The following SMG7 variants were observed in gnomAD, a reference collection of about 807,000 sequenced individuals.
SMG7 encodes the protein SMG7 nonsense mediated mRNA decay factor.
A neutral mutation model predicts 148.2 loss-of-function variants in SMG7; 34 were observed. That is an observed-to-expected ratio of 0.23 (90% CI 0.17 to 0.31). SMG7 has a LOEUF of 0.31. Ranked by LOEUF, SMG7 falls within the 10% of genes least tolerant of loss-of-function variation. SMG7 has a pLI of 1.00. For synonymous variants in SMG7, 492 were observed against 515.1 expected (o/e 0.96, Z 0.61); for missense variants, 1,114 against 1,408.4 (o/e 0.79, Z 3.35).
chr1:183,501,463 G>A (rs1291684653), intron 1 of SMG7, among the ~76,000 whole-genome samples: 1 of 152,108 alleles, frequency 6.6e-6, no homozygotes, highest in Non-Finnish European at 1.5e-5. Flanking sequence ...TATCTGGCAC[G>A]TACTAATTAT....
In SMG7 at chr1:183,506,591, T is replaced by C. The variant is rs1296261618; in HGVS notation, c.30-6246T>C. ...TGAGAAATGCTGTTATTATCCCAAGTATTCCTTAGAACTCTATGAAACAAG... is the reference window on the plus strand; with the variant it reads ...TGAGAAATGCTGTTATTATCCCAAGCATTCCTTAGAACTCTATGAAACAAG... On this transcript the variant is annotated intron_variant, in intron 1 of 22. Transcript: ENST00000688051. Among the ~76,000 whole-genome samples the C allele has an allele frequency of 2.0e-5, 3 of 151,800 alleles. No homozygotes were observed. The East Asian group carries it at 5.8e-4, about 29-fold the overall frequency.
chr1:183,519,549 T>C (rs1664293840), intron 4 of SMG7, among the ~76,000 whole-genome samples: 1 of 151,924 alleles, frequency 6.6e-6, no homozygotes, highest in African/African-American at 2.4e-5. Flanking sequence ...CTAGACTAAA[T>C]GAAAAGATGG....
chr1:183,485,428 G>A (rs1376160071), intron 1 of SMG7, among the ~76,000 whole-genome samples: 1 of 152,128 alleles, frequency 6.6e-6, no homozygotes, highest in Non-Finnish European at 1.5e-5. Context: ...ACTTAGGGGA[G>A]ATAAGTTTTT....
At chr1:183,520,368 CTT>C (rs1004051944) in intron 4 of SMG7, among the ~76,000 whole-genome samples, 1 of 152,110 alleles carries the variant, frequency 6.6e-6, no homozygotes, top group African/African-American at 2.4e-5. Context: ...AAAATGGTAA[CTT>C]TTTTTTCAAT....
intron 1 of SMG7, among the ~76,000 whole-genome samples, chr1:183,511,986 A>C (rs1296339969): frequency 1.3e-5 from 2 of 152,158 alleles, no homozygotes; most frequent in Admixed American, 6.5e-5. Flanking sequence ...AGAACTAGAG[A>C]TAGGGGATGG....
chr1:183,511,304 T>C (rs77096150), intron 1 of SMG7, among the ~76,000 whole-genome samples: 1,551 of 152,274 alleles, frequency 0.01, 10 homozygotes, highest in Admixed American at 0.017. Context: ...ATCTGTAATA[T>C]GTAATATGAA....
At chr1:183,477,439 T>C (rs1282494539) in intron 1 of SMG7, among the ~76,000 whole-genome samples, 1 of 152,002 alleles carries the variant, frequency 6.6e-6, no homozygotes, top group Non-Finnish European at 1.5e-5. Context: ...TATGTGTATA[T>C]ATACATATAT....
At chr1:183,533,077 T>C in intron 8 of SMG7, 87 bp from the exon 9 acceptor site, 5 of 1,131,992 alleles carry the variant, frequency 4.4e-6, no homozygotes, top group Non-Finnish European at 5.2e-6. Context: ...ATGGTGGTTC[T>C]AAATGCAGAC....
intron 1 of SMG7, among the ~76,000 whole-genome samples, chr1:183,473,225 G>A (rs949728232): frequency 6.6e-6 from 1 of 152,112 alleles, no homozygotes; most frequent in Admixed American, 6.5e-5. Flanking sequence ...AGTTGGCGGT[G>A]TGGGGAGGCG....
At chr1:183,478,347 G>A (rs1263526116) in intron 1 of SMG7, among the ~76,000 whole-genome samples, 1 of 152,154 alleles carries the variant, frequency 6.6e-6, no homozygotes, top group Non-Finnish European at 1.5e-5. Context: ...CAAAGGTGGT[G>A]ACATTTTTTG....
At chr1:183,521,858 CAAAA>C (rs35144368) in intron 4 of SMG7, among the ~76,000 whole-genome samples, 2 of 129,204 alleles carry the variant, frequency 1.5e-5, no homozygotes, top group Non-Finnish European at 3.4e-5. Context: ...GACCTTGTCT[CAAAA>C]AAAAAAAAAA....
chr1:183,540,643 G>T (rs986283089), intron 12 of SMG7, among the ~76,000 whole-genome samples: 25 of 151,986 alleles, frequency 1.6e-4, no homozygotes, highest in African/African-American at 5.6e-4. Context: ...AAATTACTTG[G>T]CATGCAAGAT....
intron 17 of SMG7, 130 bp from the exon 18 acceptor site, chr1:183,546,973 T>C (rs1406775390): frequency 2.3e-6 from 2 of 883,466 alleles, no homozygotes; most frequent in Non-Finnish European, 3.3e-6. Flanking sequence ...GCGTTTTTTC[T>C]CTTTGCCTAA....
chr1:183,502,408 A>G (rs1659937534), intron 1 of SMG7: 3 of 1,524,252 alleles, frequency 2.0e-6, no homozygotes, highest in South Asian at 1.2e-5. Flanking sequence ...TGAAAATTAC[A>G]AGGGATTTCT....
chr1:183,538,458 T>C lies in SMG7; in HGVS notation c.1295+18T>C, dbSNP rs1004958644. On this transcript the variant is annotated intron_variant, in intron 12 of 22. Transcript: ENST00000688051. ...TCTTTCAGGTAGGTGATAGCTGAAG[T>C]ACCTTTATCATTGCCAGTGATTGCA... is the stretch of plus-strand genomic sequence containing the variant. The C allele has an allele frequency of 6.5e-7, 1 of 1,543,656 alleles. No individual in the cohort carries two copies. The highest frequency in any genetic ancestry group is 1.7e-5 in the Admixed American group (1 of 59,900).
chr1:183,513,974 G>A (rs941548496), intron 2 of SMG7, among the ~76,000 whole-genome samples: 8 of 143,214 alleles, frequency 5.6e-5, no homozygotes, highest in Non-Finnish European at 1.2e-4. Flanking sequence ...AGGTTGCAGT[G>A]AGCAGAGATC....
chr1:183,553,887 G>C lies in SMG7; in HGVS notation c.*1956G>C, dbSNP rs1388748358. ...TCACTGATTCTTGCGCCCTAGACAA[G>C]CTAACCAGGTTTACCATCTCACTCC... is the stretch of plus-strand genomic sequence containing the variant. On this transcript the variant is annotated 3_prime_UTR_variant, in exon 23 of 23. Coordinates refer to ENST00000688051, the MANE Select transcript of SMG7 (RefSeq NM_001375584.1). 1 of 152,526 alleles carries C rather than the reference G, an allele frequency of 6.6e-6. No individual in the cohort carries two copies. Among genetic ancestry groups the C allele is most frequent in the Non-Finnish European group, 1.5e-5 (1 of 68,064 alleles). The allele number at this position is 152,526 out of a possible 1,614,324, so 9.4% of individuals were successfully genotyped here. A position where few individuals can be genotyped will look rare whatever the true frequency, so the allele number is the denominator to read the frequency against.
intron 1 of SMG7, among the ~76,000 whole-genome samples, chr1:183,475,908 A>G (rs1016294116): frequency 1.3e-5 from 2 of 152,238 alleles, no homozygotes; most frequent in African/African-American, 4.8e-5. Context: ...GATATTTTTC[A>G]GCTAAAATTG....
At chr1:183,482,383 G>C (rs1322757888) in intron 1 of SMG7, among the ~76,000 whole-genome samples, 1 of 151,694 alleles carries the variant, frequency 6.6e-6, no homozygotes, top group African/African-American at 2.4e-5. Flanking sequence ...TTCCTCTTGA[G>C]ATATGTAAAG....
Sources: gnomAD v4.1 joint callset for allele counts (sites outside exome capture counted in the v4.1 genomes callset) on GRCh38, gnomAD v4.1.1 for gene constraint, MANE v1.5 for transcripts, NCBI Gene and HGNC (gene_info 2026-07-23, HGNC 2026-07-21) for gene names.